ATXN1: variants seen among roughly 807,000 people sequenced by gnomAD.
ATXN1 encodes the protein ataxin-1.
In ATXN1, 8 loss-of-function variants were observed where a neutral mutation model predicts 56.4. The observed-to-expected ratio is 0.14, with a 90% CI of 0.08 to 0.26. ATXN1 has a LOEUF of 0.26. Among genes scored for constraint, ATXN1 ranks in the 10% least tolerant of loss-of-function variants. The pLI, the probability that ATXN1 is intolerant of heterozygous loss-of-function variation, is 1.00. For missense variants in ATXN1, 987 were observed against 1,106.5 expected, an observed-to-expected ratio of 0.89 and a Z score of 1.53; for synonymous variants, 514 against 494.6, an observed-to-expected ratio of 1.04 and a Z score of -0.52.
chr6:16,482,858 C>A (rs1760466342), intron 6 of ATXN1, among the ~76,000 whole-genome samples: 1 of 152,050 alleles, frequency 6.6e-6, no homozygotes, highest in South Asian at 2.1e-4. Context: ...TGAGGTAGTG[C>A]CAAATCATTG....
At chr6:16,587,567 T>C (rs1762647294) in intron 3 of ATXN1, among the ~76,000 whole-genome samples, 1 of 152,248 alleles carries the variant, frequency 6.6e-6, no homozygotes, top group Non-Finnish European at 1.5e-5. Flanking sequence ...ATTTTTGTTA[T>C]GCCTCTGCCT....
chr6:16,680,118 C>T (rs939483784), intron 2 of ATXN1, among the ~76,000 whole-genome samples: 25 of 152,126 alleles, frequency 1.6e-4, no homozygotes, highest in Non-Finnish European at 2.8e-4. Context: ...CACAGTCTCC[C>T]ATATTCAATA....
At chr6:16,664,164 T>C (rs1758379501) in intron 2 of ATXN1, among the ~76,000 whole-genome samples, 1 of 152,230 alleles carries the variant, frequency 6.6e-6, no homozygotes, top group Non-Finnish European at 1.5e-5. Context: ...GAGCAGATGC[T>C]ACTAATTAAC....
chr6:16,654,962 T>G (rs1311689907), intron 3 of ATXN1, among the ~76,000 whole-genome samples: 1 of 152,090 alleles, frequency 6.6e-6, no homozygotes, highest in East Asian at 1.9e-4. Flanking sequence ...CAATAATGCA[T>G]CACTTGAAGG....
Position 16,506,657 on chromosome 6 carries a change from C to T in ATXN1, c.-299+15970G>A, listed in dbSNP as rs902227910. Among the ~76,000 whole-genome samples, 1 of 151,986 alleles carries T rather than the reference C, an allele frequency of 6.6e-6. No homozygotes were observed. Among genetic ancestry groups the T allele is most frequent in the African/African-American group, 2.4e-5 (1 of 41,370 alleles). ...ATGTTGGTAAATCACTCTGCAATTC[C>T]CAGGTCAAAGATGTGAAATGAACAT... On this transcript the variant is annotated intron_variant, in intron 5 of 7. Coordinates refer to ENST00000436367, the MANE Select transcript of ATXN1 (RefSeq NM_001128164.2). This position sits in a 1 kb window ranked among gnomAD's most constrained non-coding sequence, Gnocchi z 4.1.
At chr6:16,561,145 G>C (rs1489559815) in intron 4 of ATXN1, among the ~76,000 whole-genome samples, 1 of 152,048 alleles carries the variant, frequency 6.6e-6, no homozygotes, top group Non-Finnish European at 1.5e-5. Context: ...CTGAATCCCT[G>C]ATGCCTTGGG....
chr6:16,370,212 C>T (rs984416477), intron 6 of ATXN1, among the ~76,000 whole-genome samples: 1 of 152,160 alleles, frequency 6.6e-6, no homozygotes, highest in Non-Finnish European at 1.5e-5. Context: ...CCCGACAGAG[C>T]CTGGCAGGGC....
At chr6:16,597,861 G>T (rs1315903021) in intron 3 of ATXN1, among the ~76,000 whole-genome samples, 2 of 152,282 alleles carry the variant, frequency 1.3e-5, no homozygotes, top group South Asian at 4.1e-4. Flanking sequence ...ACACATCTCT[G>T]GCCAGGGACA....
chr6:16,362,879 A>G (rs1761840010), intron 6 of ATXN1, among the ~76,000 whole-genome samples: 1 of 152,230 alleles, frequency 6.6e-6, no homozygotes, highest in South Asian at 2.1e-4. Context: ...ATAACAGCTA[A>G]TACCTACAAA....
At chr6:16,412,159 T>C (rs1758812976) in intron 6 of ATXN1, among the ~76,000 whole-genome samples, 1 of 152,234 alleles carries the variant, frequency 6.6e-6, no homozygotes, top group Non-Finnish European at 1.5e-5. Flanking sequence ...CTATAGAATA[T>C]GAACCCTGTC....
chr6:16,595,665 T>C (rs961125084), intron 3 of ATXN1, among the ~76,000 whole-genome samples: 1 of 152,218 alleles, frequency 6.6e-6, no homozygotes, highest in Non-Finnish European at 1.5e-5. Context: ...AGGAAATGGC[T>C]GAAAGGCAGG....
intron 3 of ATXN1, among the ~76,000 whole-genome samples, chr6:16,597,727 C>T (rs1342594745): frequency 6.6e-6 from 1 of 152,204 alleles, no homozygotes; most frequent in East Asian, 1.9e-4. Flanking sequence ...AGGCGTGAGC[C>T]ACCATGCCTG....
intron 6 of ATXN1, among the ~76,000 whole-genome samples, chr6:16,425,765 G>A (rs190217186): frequency 6.6e-6 from 1 of 152,156 alleles, no homozygotes; most frequent in African/African-American, 2.4e-5. Context: ...CTGAAACACG[G>A]CTCAGGGCTT....
intron 2 of ATXN1, among the ~76,000 whole-genome samples, chr6:16,680,785 G>C (rs540649294): frequency 9.8e-5 from 15 of 152,292 alleles, no homozygotes; most frequent in African/African-American, 3.4e-4. Flanking sequence ...CATGCCAAAA[G>C]ATCGAAAGAT....
At chr6:16,471,320 T>C (rs2113639188) in intron 6 of ATXN1, among the ~76,000 whole-genome samples, 1 of 152,278 alleles carries the variant, frequency 6.6e-6, no homozygotes, top group Non-Finnish European at 1.5e-5. Flanking sequence ...GAAGTAATTT[T>C]GAATTTTCAG....
At chr6:16,719,270 CA>C (rs1373388335) in intron 2 of ATXN1, among the ~76,000 whole-genome samples, 1 of 152,180 alleles carries the variant, frequency 6.6e-6, no homozygotes, top group African/African-American at 2.4e-5. Context: ...GATAAACATA[CA>C]TTTTTTTATA....
At chr6:16,710,428 G>A (rs1175316916) in intron 2 of ATXN1, among the ~76,000 whole-genome samples, 1 of 152,068 alleles carries the variant, frequency 6.6e-6, no homozygotes, top group East Asian at 1.9e-4. Flanking sequence ...GCTTTTTTGG[G>A]GGGTAGGGGG....
At chr6:16,446,055 G>A (rs1759628964) in intron 6 of ATXN1, among the ~76,000 whole-genome samples, 1 of 151,606 alleles carries the variant, frequency 6.6e-6, no homozygotes, top group African/African-American at 2.4e-5. Flanking sequence ...GGGATGGCTG[G>A]GTCAAATGGT....
chr6:16,401,513 G>A lies in ATXN1; in HGVS notation c.-160-73043C>T, dbSNP rs191591069. ...CCCAGCTACTCAGAGGCTGAGGGTGGAGAATCGCTTGAGAGAGCTGTGGCT... is the reference window on the plus strand; with the variant it reads ...CCCAGCTACTCAGAGGCTGAGGGTGAAGAATCGCTTGAGAGAGCTGTGGCT... On this transcript the variant is annotated intron_variant, in intron 6 of 7. Transcript: ENST00000436367. Among the ~76,000 whole-genome samples the A allele has an allele frequency of 3.7e-4, 56 of 152,324 alleles. 1 individual carries two copies. The East Asian group carries it at 0.01, about 28-fold the overall frequency.
Sources: gnomAD v4.1 joint callset for allele counts (sites outside exome capture counted in the v4.1 genomes callset) on GRCh38, gnomAD v4.1.1 for gene constraint, Gnocchi (gnomAD v3.1) non-coding constraint, MANE v1.5 for transcripts, NCBI Gene and HGNC (gene_info 2026-07-23, HGNC 2026-07-21) for gene names.